Variants in RARB observed in about 807,000 individuals in gnomAD.
RARB encodes the protein retinoic acid receptor beta.
Under a neutral mutation model 51.9 loss-of-function variants are expected in RARB, and 17 were observed. The observed-to-expected ratio is 0.33, with a 90% CI of 0.22 to 0.49. The LOEUF is 0.49. Ranked by LOEUF, RARB falls within the 20% of genes least tolerant of loss-of-function variation. The probability of loss-of-function intolerance (pLI) is 0.99; values close to 1 mark genes in which losing one functional copy is unlikely to be tolerated. For synonymous variants in RARB, 215 were observed against 195.4 expected (o/e 1.10, Z -0.84); for missense variants, 369 against 550.8 (o/e 0.67, Z 3.30).
intron 4 of RARB, 99 bp downstream of exon 4, chr3:25,570,017 CACA>C: frequency 1.8e-6 from 2 of 1,116,046 alleles, no homozygotes; most frequent in East Asian, 5.4e-5. Flanking sequence ...CACACACACA[CACA>C]CTTTGCACTG....
chr3:24,849,277 G>A, intron 1 of RARB, among the ~76,000 whole-genome samples: 1 of 152,180 alleles, frequency 6.6e-6, no homozygotes, highest in South Asian at 2.1e-4. Context: ...CCTGTTTTCA[G>A]ACCATTGTTG....
chr3:24,864,934 GAA>G (rs1702819704), intron 2 of RARB, among the ~76,000 whole-genome samples: 1 of 152,116 alleles, frequency 6.6e-6, no homozygotes, highest in Non-Finnish European at 1.5e-5. Flanking sequence ...GCTAGTCAAG[GAA>G]CTGTACTTTG....
chr3:25,446,074 C>T (rs1051718815), intron 1 of RARB, among the ~76,000 whole-genome samples: 12 of 152,248 alleles, frequency 7.9e-5, no homozygotes, highest in South Asian at 2.1e-4. Flanking sequence ...GTATTTATGG[C>T]GGACATATTG....
At chr3:24,988,703 T>G (rs1049702659) in intron 2 of RARB, among the ~76,000 whole-genome samples, 1 of 152,262 alleles carries the variant, frequency 6.6e-6, no homozygotes, top group Non-Finnish European at 1.5e-5. Context: ...TGCAATGATA[T>G]CAAATTATTG....
At chr3:25,368,336 A>T (rs1438177895) in intron 5 of RARB, among the ~76,000 whole-genome samples, 1 of 152,196 alleles carries the variant, frequency 6.6e-6, no homozygotes, top group Admixed American at 6.5e-5. Context: ...AGAATTCTTT[A>T]AATAGTACAA....
intron 3 of RARB, among the ~76,000 whole-genome samples, chr3:25,119,836 G>A (rs190131381): frequency 4.0e-4 from 61 of 152,176 alleles, no homozygotes; most frequent in Admixed American, 2.5e-3. Context: ...TTTTATCACC[G>A]AAAAATGAAT....
intron 5 of RARB, among the ~76,000 whole-genome samples, chr3:25,305,110 C>T (rs539804940): frequency 6.6e-6 from 1 of 152,134 alleles, no homozygotes; most frequent in Non-Finnish European, 1.5e-5. Context: ...CCACTGCCCC[C>T]TCCTGCCTCT....
At chr3:24,925,648 T>TG (rs1559398634) in intron 2 of RARB, among the ~76,000 whole-genome samples, 2 of 135,420 alleles carry the variant, frequency 1.5e-5, no homozygotes, top group African/African-American at 6.3e-5. Context: ...CCTGTCTTTT[T>TG]TTTTTTTAAA....
At chr3:25,195,687 C>G (rs1276607663) in intron 5 of RARB, among the ~76,000 whole-genome samples, 1 of 151,826 alleles carries the variant, frequency 6.6e-6, no homozygotes, top group Non-Finnish European at 1.5e-5. Flanking sequence ...CTGTATTTTG[C>G]CATTAACTTA....
intron 2 of RARB, among the ~76,000 whole-genome samples, chr3:25,481,026 C>T (rs1696199750): frequency 6.6e-6 from 1 of 152,108 alleles, no homozygotes; most frequent in African/African-American, 2.4e-5. Flanking sequence ...AGAGCCACTG[C>T]CCTACAGGAA....
At chr3:25,339,596 T>TA (rs34561517) in intron 5 of RARB, among the ~76,000 whole-genome samples, 3 of 150,656 alleles carry the variant, frequency 2.0e-5, no homozygotes, top group South Asian at 2.1e-4. Flanking sequence ...TTTTTTTTTT[T>TA]AATCACACTG....
intron 2 of RARB, among the ~76,000 whole-genome samples, chr3:24,937,672 C>T (rs1232844517): frequency 6.6e-6 from 1 of 152,104 alleles, no homozygotes; most frequent in Non-Finnish European, 1.5e-5. Flanking sequence ...AGGGAGATAG[C>T]ATCAAAACAT....
At chr3:25,374,298 C>G (rs1256883120) in intron 5 of RARB, among the ~76,000 whole-genome samples, 1 of 152,124 alleles carries the variant, frequency 6.6e-6, no homozygotes, top group Non-Finnish European at 1.5e-5. Flanking sequence ...GTACACAAGT[C>G]TCAGGACCAG....
chr3:25,363,493 A>G (rs1575343944), intron 5 of RARB, among the ~76,000 whole-genome samples: 1 of 152,112 alleles, frequency 6.6e-6, no homozygotes, highest in East Asian at 1.9e-4. Context: ...CCAGTTGCTT[A>G]GGCCACTTGA....
rs542873299 is a variant in RARB, at chr3:25,214,637, G to T, written c.178+40062G>T. Reference sequence around the variant, plus strand: ...AGGGCGTCCTGAAATGCCCCTGAAGGGACTTCAGCACTTGGGTGGAGCTGG... The same window carrying T: ...AGGGCGTCCTGAAATGCCCCTGAAGTGACTTCAGCACTTGGGTGGAGCTGG... On this transcript the variant is annotated intron_variant, in intron 5 of 11. Transcript: ENST00000383772. 2.0e-5 allele frequency among the ~76,000 whole-genome samples: 3 copies of T among 152,224 alleles called. No homozygotes were observed. In the East Asian group the frequency reaches 5.8e-4, roughly 29 times the overall value.
intron 3 of RARB, among the ~76,000 whole-genome samples, chr3:25,128,658 T>C (rs984042836): frequency 1.3e-5 from 2 of 151,848 alleles, no homozygotes; most frequent in Non-Finnish European, 1.5e-5. Context: ...TTATTTTATA[T>C]GAAAAGTGAT....
chr3:25,191,143 T>C (rs1701094025), intron 5 of RARB, among the ~76,000 whole-genome samples: 2 of 152,126 alleles, frequency 1.3e-5, no homozygotes, highest in African/African-American at 4.8e-5. Flanking sequence ...AAGGGCATTT[T>C]AGTCCATGAA....
chr3:25,371,890 G>C (rs1035542782), intron 5 of RARB, among the ~76,000 whole-genome samples: 1 of 152,214 alleles, frequency 6.6e-6, no homozygotes, highest in Non-Finnish European at 1.5e-5. Context: ...GTGTAGAGGA[G>C]TGTTGAGGTT....
At chr3:25,359,153 T>G (rs983129887) in intron 5 of RARB, among the ~76,000 whole-genome samples, 5 of 152,160 alleles carry the variant, frequency 3.3e-5, no homozygotes. Context: ...TGCCTCAATT[T>G]CAGAACTTGT....
Sources: gnomAD v4.1 joint callset for allele counts (sites outside exome capture counted in the v4.1 genomes callset) on GRCh38, gnomAD v4.1.1 for gene constraint, MANE v1.5 for transcripts, NCBI Gene and HGNC (gene_info 2026-07-23, HGNC 2026-07-21) for gene names.